The following ASIC2 variants were observed in gnomAD, a reference collection of about 807,000 sequenced individuals.
The protein encoded by ASIC2 is acid-sensing ion channel 2.
Under a neutral mutation model 57.3 loss-of-function variants are expected in ASIC2, and 25 were observed. The ratio of observed to expected loss-of-function variants is 0.44; its 90% CI spans 0.32 to 0.61. The LOEUF (loss-of-function observed/expected upper bound fraction) is 0.61, where lower values mean the gene tolerates loss of function less well. ASIC2 is among the 20% of genes least tolerant of loss of function. The pLI, the probability that ASIC2 is intolerant of heterozygous loss-of-function variation, is 0.06. For synonymous variants in ASIC2, 319 were observed against 307.5 expected (o/e 1.04, Z -0.39); for missense variants, 641 against 738.1 (o/e 0.87, Z 1.52).
At chr17:33,502,401 C>G (rs1679904547) in intron 1 of ASIC2, among the ~76,000 whole-genome samples, 1 of 152,150 alleles carries the variant, frequency 6.6e-6, no homozygotes, top group South Asian at 2.1e-4. Flanking sequence ...ATTGGATGCT[C>G]AACTTCTCCT....
chr17:33,963,458 A>T (rs1430169756), intron 1 of ASIC2, among the ~76,000 whole-genome samples: 2 of 152,196 alleles, frequency 1.3e-5, no homozygotes, highest in Non-Finnish European at 1.5e-5. Flanking sequence ...AAAAGGAAGC[A>T]TCTGTTCTTG....
At chr17:33,664,367 C>T (rs1016471800) in intron 1 of ASIC2, among the ~76,000 whole-genome samples, 2 of 152,322 alleles carry the variant, frequency 1.3e-5, no homozygotes, top group Non-Finnish European at 2.9e-5. Context: ...TTCTTCATTG[C>T]ATGCCTCACA....
At chr17:34,039,200 T>A in intron 1 of ASIC2, 1 of 1,614,048 alleles carries the variant, frequency 6.2e-7, no homozygotes, top group Admixed American at 1.7e-5. Context: ...AAGTCAGAAT[T>A]CTTACTGTTT....
intron 1 of ASIC2, among the ~76,000 whole-genome samples, chr17:33,479,789 C>A (rs1278220339): frequency 6.6e-6 from 1 of 152,202 alleles, no homozygotes; most frequent in East Asian, 1.9e-4. Context: ...AAGCTTTCAT[C>A]TGAGCAAGGC....
At chr17:33,631,100 G>A (rs1326630521) in intron 1 of ASIC2, among the ~76,000 whole-genome samples, 2 of 152,134 alleles carry the variant, frequency 1.3e-5, no homozygotes, top group Non-Finnish European at 2.9e-5. Flanking sequence ...CTGTGGATGG[G>A]GCCCAAGAAG....
At chr17:33,289,687 G>A (rs544232947) in intron 1 of ASIC2, among the ~76,000 whole-genome samples, 14 of 152,294 alleles carry the variant, frequency 9.2e-5, no homozygotes, top group African/African-American at 3.4e-4. Context: ...TTTAAAAATG[G>A]GAATAAAACT....
chr17:33,960,599 C>T (rs1904889536), intron 1 of ASIC2, among the ~76,000 whole-genome samples: 1 of 152,180 alleles, frequency 6.6e-6, no homozygotes, highest in African/African-American at 2.4e-5. Flanking sequence ...CAGGACCTTG[C>T]TGATCTCTGG....
At chr17:33,542,909 G>T (rs914702719) in intron 1 of ASIC2, among the ~76,000 whole-genome samples, 97 of 151,930 alleles carry the variant, frequency 6.4e-4, no homozygotes, top group Middle Eastern at 3.4e-3. Flanking sequence ...AATCCATCTT[G>T]AATTAAGAAA....
chr17:33,660,095 G>A (rs370522554), intron 1 of ASIC2, among the ~76,000 whole-genome samples: 4 of 151,426 alleles, frequency 2.6e-5, no homozygotes, highest in East Asian at 3.9e-4. Flanking sequence ...AAAACAAAAC[G>A]AAACAAAAAT....
intron 1 of ASIC2, among the ~76,000 whole-genome samples, chr17:33,666,404 G>A (rs1907473734): frequency 5.3e-5 from 8 of 152,172 alleles, no homozygotes; most frequent in Admixed American, 6.5e-5. Context: ...GCAGCGGGCC[G>A]AGCACCAAAG....
intron 1 of ASIC2, among the ~76,000 whole-genome samples, chr17:33,742,134 A>G (rs1243342911): frequency 6.6e-6 from 1 of 152,206 alleles, no homozygotes; most frequent in Non-Finnish European, 1.5e-5. Context: ...AGGTTGTTCC[A>G]GTTGTTCATA....
chr17:34,065,379 G>A (rs1909133595), intron 1 of ASIC2, among the ~76,000 whole-genome samples: 1 of 151,988 alleles, frequency 6.6e-6, no homozygotes, highest in African/African-American at 2.4e-5. Flanking sequence ...GGGGAGCTAG[G>A]GATAAAAGAC....
chr17:33,574,925 T>C (rs2141994431), intron 1 of ASIC2, among the ~76,000 whole-genome samples: 1 of 152,072 alleles, frequency 6.6e-6, no homozygotes, highest in Non-Finnish European at 1.5e-5. Flanking sequence ...AAAATGAATC[T>C]GGTAATTTGC....
chr17:33,197,495 C>G (rs971053077), intron 1 of ASIC2, among the ~76,000 whole-genome samples: 2 of 152,200 alleles, frequency 1.3e-5, no homozygotes, highest in Non-Finnish European at 2.9e-5. Flanking sequence ...CACTCTGGGT[C>G]CCTGGAATTC....
chr17:33,394,251 G>A (rs900744183), intron 1 of ASIC2, among the ~76,000 whole-genome samples: 8 of 152,228 alleles, frequency 5.3e-5, no homozygotes, highest in Non-Finnish European at 7.3e-5. Flanking sequence ...CCTGCTCCTA[G>A]CATCTGTTAT....
At chr17:34,047,506 CAGAAAAAAA>C (rs1184643536) in intron 1 of ASIC2, among the ~76,000 whole-genome samples, 5 of 68,326 alleles carry the variant, frequency 7.3e-5, no homozygotes, top group African/African-American at 1.4e-4. Flanking sequence ...CACCTTTCTC[CAGAAAAAAA>C]AAAAAAAAAA....
chr17:33,884,430 C>G (rs1914777363), intron 1 of ASIC2, among the ~76,000 whole-genome samples: 1 of 152,138 alleles, frequency 6.6e-6, no homozygotes, highest in Admixed American at 6.5e-5. Flanking sequence ...CTGATCCCTG[C>G]TTATACCTCT....
intron 1 of ASIC2, among the ~76,000 whole-genome samples, chr17:33,328,455 TTC>T (rs1907167164): frequency 6.6e-6 from 1 of 152,152 alleles, no homozygotes; most frequent in East Asian, 1.9e-4. Flanking sequence ...TCTCTCTAAA[TTC>T]TCTCTCTTCC....
chr17:33,671,375 T>G (rs1483788120), intron 1 of ASIC2, among the ~76,000 whole-genome samples: 1 of 152,226 alleles, frequency 6.6e-6, no homozygotes, highest in Non-Finnish European at 1.5e-5. Context: ...GAGGGTTGAC[T>G]ACGTGCCTGT....
Sources: allele counts gnomAD v4.1 joint callset (sites outside exome capture counted in the v4.1 genomes callset), GRCh38; gene constraint gnomAD v4.1.1; transcripts MANE v1.5; gene names NCBI Gene and HGNC (gene_info 2026-07-23, HGNC 2026-07-21).